The following SPTA1 variants were observed in gnomAD, a reference collection of about 807,000 sequenced individuals.
SPTA1 encodes spectrin alpha chain, erythrocytic 1.
A neutral mutation model predicts 324.7 loss-of-function variants in SPTA1; 177 were observed. The observed-to-expected ratio is 0.55, with a 90% confidence interval of 0.48 to 0.62. SPTA1 has a LOEUF of 0.62. Among genes scored for constraint, SPTA1 ranks in the 20% least tolerant of loss-of-function variants. SPTA1 has a pLI of 0.00. For synonymous variants in SPTA1, 1,195 were observed against 1,041.3 expected (o/e 1.15, Z -2.84); for missense variants, 3,162 against 2,883.6 (o/e 1.10, Z -2.21).
intron 4 of SPTA1, 82 bp from the exon 5 acceptor site, chr1:158,680,811 T>C: frequency 6.4e-7 from 1 of 1,570,026 alleles, no homozygotes; most frequent in South Asian, 1.1e-5. Flanking sequence ...CCTGCTTGCA[T>C]TCCCAGGATA....
intron 24 of SPTA1, 25 bp downstream of exon 24, chr1:158,651,342 G>T (rs200295233): frequency 2.0e-6 from 3 of 1,514,526 alleles, no homozygotes; most frequent in Non-Finnish European, 2.8e-6. Context: ...TGGTAGTGAG[G>T]AGGAATGGAG....
At chr1:158,685,076 C>T (rs1655068580) in intron 2 of SPTA1, 32 bp downstream of exon 2, 1 of 1,613,274 alleles carries the variant, frequency 6.2e-7, no homozygotes, top group East Asian at 2.2e-5. Context: ...ATCTTAGGGT[C>T]TGCTCTGAGG....
At chr1:158,612,719 C>T in intron 51 of SPTA1, 98 bp downstream of exon 51, 1 of 1,311,940 alleles carries the variant, frequency 7.6e-7, no homozygotes, top group Non-Finnish European at 1.1e-6. Context: ...AAAAAAAAAA[C>T]AAGTGGGTGG....
Position 158,677,739 on chromosome 1 carries a change from A to G in SPTA1, c.908T>C (p.Phe303Ser), listed in dbSNP as rs1402657121. Residue 303 changes from phenylalanine to serine, a missense_variant, in exon 7 of 52, where the codon TTT (phenylalanine) becomes TCT (serine). Transcript: ENST00000643759. ...GKDLVASEGL[F>S]HSHKGLERNL... ...TCTCTCAAGTCCCTTGTGACTGTGA[A>G]ACAGTCCTTCAGAGGCAACAAGGTC... 2 of 1,613,578 alleles carry G rather than the reference A, an allele frequency of 1.2e-6. No individual in the cohort carries two copies. Among genetic ancestry groups the G allele is most frequent in the African/African-American group, 2.7e-5 (2 of 74,892 alleles).
chr1:158,620,606 G>A, intron 43 of SPTA1, 140 bp from the exon 44 acceptor site: 1 of 1,001,484 alleles, frequency 1.0e-6, no homozygotes, highest in Non-Finnish European at 1.5e-6. Context: ...AAACCAATAG[G>A]GACTGTGTAC....
chr1:158,686,486 G>A lies in SPTA1; in HGVS notation c.24+8C>T. 4 of 1,569,918 alleles carry A rather than the reference G, an allele frequency of 2.5e-6. No individual in the cohort carries two copies. The highest frequency in any genetic ancestry group is 2.2e-5 in the East Asian group (1 of 44,606). On this transcript the variant is annotated splice_region_variant and intron_variant, in intron 1 of 51. Coordinates refer to ENST00000643759, the MANE Select transcript of SPTA1 (RefSeq NM_003126.4). ...GACAAATTGCATGGAAGAGAAATAT[G>A]TACTTACGGTTTCCTTTGGAAATTG...
chr1:158,624,657 G>C (rs1265605236), intron 42 of SPTA1, among the ~76,000 whole-genome samples: 1 of 152,192 alleles, frequency 6.6e-6, no homozygotes, highest in East Asian at 1.9e-4. Flanking sequence ...TTGGCATAAT[G>C]GGTAACTGTC....
intron 21 of SPTA1, among the ~76,000 whole-genome samples, chr1:158,653,637 C>T (rs895669570): frequency 1.3e-5 from 2 of 152,116 alleles, no homozygotes; most frequent in Non-Finnish European, 2.9e-5. Context: ...AATCTGATAC[C>T]TAATGTTAGA....
At chr1:158,685,867 T>G (rs1171395892) in intron 1 of SPTA1, among the ~76,000 whole-genome samples, 1 of 152,204 alleles carries the variant, frequency 6.6e-6, no homozygotes, top group East Asian at 1.9e-4. Flanking sequence ...TTTACTTGCT[T>G]TACTCACAAA....
At chr1:158,675,971 T>C (rs553723827) in intron 8 of SPTA1, among the ~76,000 whole-genome samples, 170 bp downstream of exon 8, 2 of 152,324 alleles carry the variant, frequency 1.3e-5, no homozygotes, top group South Asian at 2.1e-4. Flanking sequence ...TACTATATTA[T>C]ATCAGTCACA....
At chr1:158,630,984 C>T (rs771905099) in intron 39 of SPTA1, among the ~76,000 whole-genome samples, 29 of 151,824 alleles carry the variant, frequency 1.9e-4, no homozygotes, top group Non-Finnish European at 3.2e-4. Flanking sequence ...TAATAGATAT[C>T]GGTGTGGATG....
intron 10 of SPTA1, 76 bp downstream of exon 10, chr1:158,674,253 T>C: frequency 7.2e-7 from 1 of 1,388,084 alleles, no homozygotes; most frequent in Non-Finnish European, 1.0e-6. Context: ...CATTTAGAGA[T>C]TATCATATTA....
At chr1:158,641,334 C>T (rs1403459591) in intron 33 of SPTA1, among the ~76,000 whole-genome samples, 1 of 152,122 alleles carries the variant, frequency 6.6e-6, no homozygotes, top group Non-Finnish European at 1.5e-5. Context: ...TAAAGAGCTT[C>T]TGCACAGCAA....
rs747806552 is a variant in SPTA1 at position 158,661,333 on chromosome 1, T to G, written c.2541A>C (p.Pro847=). ...CCCTTTCTGTTATCTCTTGAATGCG[T>G]GGTTCATGGCTGGCAATGTTCTCCA... ...VILENIASHE[P]RIQEITERGN... is the part of the protein sequence containing the mutation. The change falls in exon 18 of 52, where the codon CCA becomes CCC. Residue 847 remains proline, a synonymous_variant. Coordinates refer to ENST00000643759, the MANE Select transcript of SPTA1 (RefSeq NM_003126.4). 3.1e-6 allele frequency: 5 copies of G among 1,613,864 alleles called. No homozygotes were observed. The African/African-American group carries it at 4.0e-5, about 13-fold the overall frequency.
intron 3 of SPTA1, 25 bp downstream of exon 3, chr1:158,683,346 C>A: frequency 1.2e-6 from 2 of 1,612,732 alleles, no homozygotes; most frequent in Non-Finnish European, 1.7e-6. Context: ...TAATTGGAAA[C>A]TTCTTCAAGG....
At chr1:158,623,404 T>A (rs1481621053) in intron 42 of SPTA1, among the ~76,000 whole-genome samples, 2 of 152,220 alleles carry the variant, frequency 1.3e-5, no homozygotes, top group Non-Finnish European at 2.9e-5. Flanking sequence ...ATGTTAGGTA[T>A]AAAATTAATT....
At chr1:158,627,522 T>C (rs1650357582) in intron 40 of SPTA1, 103 bp downstream of exon 40, 1 of 1,134,028 alleles carries the variant, frequency 8.8e-7, no homozygotes, top group Non-Finnish European at 1.3e-6. Flanking sequence ...GTTCTGCATA[T>C]GATCTTAGCA....
At chr1:158,643,856 GCT>G (rs1482519864) in intron 30 of SPTA1, among the ~76,000 whole-genome samples, 1 of 152,094 alleles carries the variant, frequency 6.6e-6, no homozygotes, top group Non-Finnish European at 1.5e-5. Flanking sequence ...AAGAATCAGG[GCT>G]GGGCACGGTG....
intron 18 of SPTA1, among the ~76,000 whole-genome samples, chr1:158,660,266 T>C (rs1050829102): frequency 9.2e-5 from 14 of 152,138 alleles, no homozygotes; most frequent in Non-Finnish European, 1.8e-4. Flanking sequence ...AAGGCCTGAT[T>C]ATATGCTATT....
Sources: allele counts gnomAD v4.1 joint callset (sites outside exome capture counted in the v4.1 genomes callset), GRCh38; gene constraint gnomAD v4.1.1; transcripts MANE v1.5; gene names NCBI Gene and HGNC (gene_info 2026-07-23, HGNC 2026-07-21).